Variants in SNAP23 observed in about 807,000 individuals in gnomAD.
SNAP23 encodes the protein synaptosomal-associated protein 23.
In SNAP23, 11 loss-of-function variants were observed where a neutral mutation model predicts 29.0. The ratio of observed to expected loss-of-function variants is 0.38; its 90% CI spans 0.24 to 0.63. The LOEUF (loss-of-function observed/expected upper bound fraction) is 0.63. SNAP23 is among the 20% of genes least tolerant of loss of function. SNAP23 has a pLI of 0.58. For synonymous variants in SNAP23, 60 were observed against 82.9 expected, an observed-to-expected ratio of 0.72 and a Z score of 1.50; for missense variants, 220 against 253.9, an observed-to-expected ratio of 0.87 and a Z score of 0.91.
chr15:42,512,912 T>C (rs772443932), intron 2 of SNAP23, 43 bp from the exon 3 acceptor site: 1 of 1,497,728 alleles, frequency 6.7e-7, no homozygotes, highest in Non-Finnish European at 9.3e-7. Context: ...AGATTTTTTT[T>C]TCTACATATT....
Position 42,528,711 on chromosome 15 carries a change from G to A in SNAP23, c.425+291G>A, listed in dbSNP as rs537956131. Among the ~76,000 whole-genome samples the A allele has an allele frequency of 4.6e-3, 702 of 152,136 alleles. 10 individuals carry two copies. The highest frequency in any genetic ancestry group is 0.016 in the African/African-American group (668 of 41,514). Reference sequence around the variant, plus strand: ...AGTTATTCTCCTGCCTCAGCCTTCCGAGTAGCTGGGACTACAGGTGTGCGC... The same window carrying A: ...AGTTATTCTCCTGCCTCAGCCTTCCAAGTAGCTGGGACTACAGGTGTGCGC... On this transcript the variant is annotated intron_variant, in intron 6 of 7. Transcript: ENST00000249647.
intron 4 of SNAP23, among the ~76,000 whole-genome samples, chr15:42,513,848 T>G (rs566833603): frequency 3.7e-4 from 57 of 152,242 alleles, no homozygotes; most frequent in South Asian, 3.7e-3. Flanking sequence ...AGTTTCGCTC[T>G]TCTTGCCCAG....
At chr15:42,507,587 A>G (rs1338755740) in intron 1 of SNAP23, among the ~76,000 whole-genome samples, 1 of 152,088 alleles carries the variant, frequency 6.6e-6, no homozygotes, top group African/African-American at 2.4e-5. Flanking sequence ...CTGATGTTTT[A>G]TTTTTCATCC....
chr15:42,525,446 G>GTCT (rs1566819527), intron 5 of SNAP23, among the ~76,000 whole-genome samples: 12 of 77,904 alleles, frequency 1.5e-4, no homozygotes, highest in Non-Finnish European at 2.8e-4. Flanking sequence ...CAAAGATCCA[G>GTCT]TCTTCTTTTT....
intron 1 of SNAP23, among the ~76,000 whole-genome samples, chr15:42,499,251 A>G (rs755219318): frequency 2.0e-5 from 3 of 152,060 alleles, no homozygotes; most frequent in Non-Finnish European, 4.4e-5. Flanking sequence ...TATTTTTAGT[A>G]GAGACGGACG....
intron 5 of SNAP23, among the ~76,000 whole-genome samples, chr15:42,520,651 C>T (rs774287356): frequency 6.6e-5 from 10 of 152,074 alleles, no homozygotes; most frequent in Non-Finnish European, 1.0e-4. Context: ...CCCGCCACCA[C>T]ACCTGGCTAA....
intron 5 of SNAP23, among the ~76,000 whole-genome samples, chr15:42,519,657 A>G (rs1224320436): frequency 6.6e-6 from 1 of 152,088 alleles, no homozygotes; most frequent in Non-Finnish European, 1.5e-5. Context: ...GGCATGAGCC[A>G]CCGTACCTGG....
In SNAP23 at chr15:42,531,398, T is replaced by C; in HGVS notation, c.571-15T>C. 6.5e-7 allele frequency: 1 copy of C among 1,529,242 alleles called. No individual in the cohort carries two copies. The highest frequency in any genetic ancestry group is 8.8e-7 in the Non-Finnish European group (1 of 1,141,186). 94.7% of individuals were successfully genotyped at this position (1,529,242 alleles called of 1,614,324 possible). On this transcript the variant is annotated splice_polypyrimidine_tract_variant and intron_variant, in intron 7 of 7. Coordinates refer to ENST00000249647, the MANE Select transcript of SNAP23 (RefSeq NM_003825.4). ...TTACTTACCTTGTAAAGCTGATATC[T>C]TTCTTGTTTTTCAGGCTGACACCAA...
intron 5 of SNAP23, among the ~76,000 whole-genome samples, chr15:42,525,367 C>T (rs886583411): frequency 5.0e-5 from 3 of 60,386 alleles, no homozygotes; most frequent in Non-Finnish European, 1.1e-4. Flanking sequence ...GACTCCGTCT[C>T]AAAAAAAAAA....
chr15:42,511,834 G>A lies in SNAP23; in HGVS notation c.-13G>A, dbSNP rs1056600464. ...CATTTCCATTTCTGTGCCTAATAGA[G>A]TTTTGATTCATCATGGATAATCTGT... On this transcript the variant is annotated splice_region_variant and 5_prime_UTR_variant, in exon 2 of 8. Transcript: ENST00000249647. The A allele has an allele frequency of 6.4e-7, 1 of 1,570,220 alleles. No individual in the cohort carries two copies. Among genetic ancestry groups the A allele is most frequent in the Non-Finnish European group, 8.7e-7 (1 of 1,153,012 alleles).
chr15:42,501,326 T>C (rs1161725552), intron 1 of SNAP23, among the ~76,000 whole-genome samples: 1 of 152,244 alleles, frequency 6.6e-6, no homozygotes, highest in African/African-American at 2.4e-5. Flanking sequence ...TAATTTAATT[T>C]AAAATCATAA....
chr15:42,527,078 TCCAC>T (rs1566820148), intron 5 of SNAP23, among the ~76,000 whole-genome samples: 1 of 152,170 alleles, frequency 6.6e-6, no homozygotes. Flanking sequence ...CCTCAGGTGA[TCCAC>T]CCACCTTGGC....
intron 1 of SNAP23, among the ~76,000 whole-genome samples, chr15:42,496,668 G>A (rs1371456779): frequency 6.6e-6 from 1 of 151,980 alleles, no homozygotes; most frequent in Non-Finnish European, 1.5e-5. Context: ...AGTGAACCGA[G>A]ATCGTGCCAC....
At chr15:42,492,663 C>A (rs575767351), upstream of SNAP23, 2 of 110,000 alleles carry the variant, frequency 1.8e-5, no homozygotes, top group Non-Finnish European at 3.3e-5. Context: ...AGCGACAGAG[C>A]GAGACTGCGT....
At chr15:42,504,116 G>A (rs2057298710) in intron 1 of SNAP23, among the ~76,000 whole-genome samples, 4 of 151,650 alleles carry the variant, frequency 2.6e-5, no homozygotes, top group Non-Finnish European at 5.9e-5. Flanking sequence ...CATCACTTGA[G>A]GCCAGGAGTT....
chr15:42,528,133 C>CGTTGG, intron 5 of SNAP23, 129 bp from the exon 6 acceptor site: 1 of 553,482 alleles, frequency 1.8e-6, no homozygotes, highest in South Asian at 3.4e-5. Context: ...TGTAGATCAT[C>CGTTGG]TAGACTTAGC....
At chr15:42,494,395 CTT>C (rs775698216), upstream of SNAP23, among the ~76,000 whole-genome samples, 16 of 133,922 alleles carry the variant, frequency 1.2e-4, no homozygotes, top group Non-Finnish European at 9.6e-5. Context: ...CCTTGAAGCA[CTT>C]TTTTTTTTTT....
At chr15:42,528,005 C>A in intron 5 of SNAP23, 1 of 367,044 alleles carries the variant, frequency 2.7e-6, no homozygotes, top group African/African-American at 2.0e-5. Context: ...TTGCTACTTG[C>A]TAACAGCCTA....
At chr15:42,492,374 A>T (rs1205075719), upstream of SNAP23, among the ~76,000 whole-genome samples, 1 of 152,036 alleles carries the variant, frequency 6.6e-6, no homozygotes, top group Non-Finnish European at 1.5e-5. Flanking sequence ...AAGACCTTCA[A>T]CGTCTCAAAT....
Sources: gnomAD v4.1 joint callset for allele counts (sites outside exome capture counted in the v4.1 genomes callset) on GRCh38, gnomAD v4.1.1 for gene constraint, MANE v1.5 for transcripts, NCBI Gene and HGNC (gene_info 2026-07-23, HGNC 2026-07-21) for gene names.